The following METTL22 variants were observed in gnomAD, a reference collection of about 807,000 sequenced individuals.
The protein encoded by METTL22 is methyltransferase-like protein 22.
In METTL22, 51 loss-of-function variants were observed where a neutral mutation model predicts 48.4. The ratio of observed to expected loss-of-function variants is 1.05; its 90% CI spans 0.84 to 1.33. The LOEUF is 1.33. Ranked by LOEUF, METTL22 falls within the 40% of genes most tolerant of loss-of-function variation. The probability of loss-of-function intolerance (pLI) is 0.00; values close to 1 mark genes in which losing one functional copy is unlikely to be tolerated. For synonymous variants in METTL22, 255 were observed against 214.1 expected, an observed-to-expected ratio of 1.19 and a Z score of -1.67; for missense variants, 678 against 526.9, an observed-to-expected ratio of 1.29 and a Z score of -2.81.
Position 8,649,101 on chromosome 16 carries a change from C to G in METTL22, c.*2958C>G, listed in dbSNP as rs2056853640. 1 of 152,220 alleles carries G rather than the reference C, an allele frequency of 6.6e-6. No homozygotes were observed. The highest frequency in any genetic ancestry group is 2.4e-5 in the African/African-American group (1 of 41,466). 9.4% of individuals were successfully genotyped at this position (152,220 alleles called of 1,614,324 possible). Reference sequence around the variant, plus strand: ...GACAATTTCCTAGCACTCCTGGGTACAAGTCCATAAATGTAATTGGCACCA... The same window carrying G: ...GACAATTTCCTAGCACTCCTGGGTAGAAGTCCATAAATGTAATTGGCACCA... On this transcript the variant is annotated 3_prime_UTR_variant, in exon 11 of 11. Transcript: ENST00000381920.
intron 3 of METTL22, 72 bp from the exon 4 acceptor site, chr16:8,634,967 T>C: frequency 2.5e-6 from 4 of 1,601,576 alleles, no homozygotes; most frequent in South Asian, 2.2e-5. Flanking sequence ...GTTGCCACAC[T>C]GTCCTGTCTT....
rs2056727708 is a variant in METTL22 at position 8,644,626 on chromosome 16, CG to C, written c.1081del (p.Ala361ArgfsTer43). 6.2e-7 allele frequency: 1 copy of C among 1,605,918 alleles called. No homozygotes were observed. The highest frequency in any genetic ancestry group is 8.5e-7 in the Non-Finnish European group (1 of 1,176,336). ...AYDHFRSCLHALEQLADGKLR... is the reference protein window; with the variant it reads ...AYDHFRSCLHXLEQLADGKLR... ...ACGATCACTTCCGCTCCTGCCTGCA[CG>C]CGCTGGAGCAGCTCGCAGATGGCAA... On this transcript the variant is annotated frameshift_variant, in exon 10 of 11. Transcript: ENST00000381920. LOFTEE classifies it high-confidence loss of function.
the METTL22 span, among the ~76,000 whole-genome samples, chr16:8,666,232 A>T: frequency 6.6e-6 from 1 of 152,074 alleles, no homozygotes; most frequent in South Asian, 2.1e-4. Flanking sequence ...GTGTATAAAT[A>T]CCCCAGCTTC....
chr16:8,623,714 A>G (rs2055941741), intron 1 of METTL22: 1 of 152,236 alleles, frequency 6.6e-6, no homozygotes, highest in Admixed American at 6.5e-5. Flanking sequence ...ATGGAGATGA[A>G]TAAGGAATCA....
chr16:8,633,368 C>T (rs569377856), intron 3 of METTL22, among the ~76,000 whole-genome samples: 2 of 152,188 alleles, frequency 1.3e-5, no homozygotes, highest in South Asian at 4.1e-4. Context: ...GAGGCCAAAG[C>T]AGTGTATCAC....
intron 5 of METTL22, among the ~76,000 whole-genome samples, chr16:8,637,441 G>T (rs1226525038): frequency 2.0e-5 from 3 of 152,220 alleles, no homozygotes; most frequent in African/African-American, 7.2e-5. Flanking sequence ...TTACCAGCAT[G>T]GGGAAGAAAG....
downstream of METTL22, among the ~76,000 whole-genome samples, chr16:8,652,234 G>A (rs1194010373): frequency 6.6e-6 from 1 of 151,900 alleles, no homozygotes; most frequent in African/African-American, 2.4e-5. Context: ...CAATGTGGGA[G>A]GATCATTTGC....
downstream of METTL22, among the ~76,000 whole-genome samples, chr16:8,651,293 A>C (rs1407357743): frequency 7.0e-6 from 1 of 142,894 alleles, no homozygotes; most frequent in African/African-American, 2.6e-5. Context: ...AGGCTAAGGC[A>C]GTAGAATGGC....
rs201377053 is a variant in METTL22, at chr16:8,641,200, G to A, written c.826+16G>A. On this transcript the variant is annotated intron_variant, in intron 7 of 10. Coordinates refer to ENST00000381920, the MANE Select transcript of METTL22 (RefSeq NM_024109.4). ...CTCTGCACAGGTGTGTGTTTCTCTC[G>A]GACGTCCCCCAGTATGATTCAGTGA... The A allele has an allele frequency of 8.1e-6, 13 of 1,613,316 alleles. No homozygotes were observed. Among genetic ancestry groups the A allele is most frequent in the South Asian group, 3.3e-5 (3 of 91,042 alleles).
At chr16:8,636,036 T>A (rs2056412263) in intron 5 of METTL22, among the ~76,000 whole-genome samples, 1 of 152,184 alleles carries the variant, frequency 6.6e-6, no homozygotes, top group Non-Finnish European at 1.5e-5. Flanking sequence ...AGTGATGACA[T>A]CCGTCTGGGC....
At chr16:8,632,444 G>C (rs902137107) in intron 3 of METTL22, among the ~76,000 whole-genome samples, 2 of 152,184 alleles carry the variant, frequency 1.3e-5, no homozygotes, top group Non-Finnish European at 1.5e-5. Flanking sequence ...GGCTTCAGGC[G>C]ATCCTCCTGC....
At chr16:8,644,412 C>A in intron 9 of METTL22, 145 bp from the exon 10 acceptor site, 2 of 748,502 alleles carry the variant, frequency 2.7e-6, no homozygotes, top group Non-Finnish European at 2.2e-6. Flanking sequence ...ATTGCACTCA[C>A]ACACTCAGCA....
chr16:8,657,951 G>A, the METTL22 span, among the ~76,000 whole-genome samples: 9 of 152,106 alleles, frequency 5.9e-5, no homozygotes, highest in East Asian at 1.7e-3. Context: ...TGAGTAGCTG[G>A]GATACAGGCG....
intron 3 of METTL22, among the ~76,000 whole-genome samples, chr16:8,630,281 A>G (rs2056212436): frequency 6.6e-6 from 1 of 152,236 alleles, no homozygotes; most frequent in Admixed American, 6.5e-5. Flanking sequence ...CGTGGAACTC[A>G]TACCAGAACC....
At position 8,639,114 on chromosome 16, in the gene METTL22, A is replaced by G. The variant is rs765760400; in HGVS notation, c.724A>G (p.Met242Val). 3 of 1,613,794 alleles carry G rather than the reference A, an allele frequency of 1.9e-6. No individual in the cohort carries two copies. The highest frequency in any genetic ancestry group is 1.7e-5 in the Admixed American group (1 of 60,004). ...CTDVGADLLS[M>V]CQRNIALNSH... is the part of the protein sequence containing the mutation. ...AGATGTCGGTGCAGATCTCTTGTCC[A>G]TGTGCCAGCGAAACATTGCCCTCAA... is the stretch of plus-strand genomic sequence containing the variant. The change falls in exon 6 of 11, where the codon ATG becomes GTG. Residue 242 changes from methionine to valine, a missense_variant. Coordinates refer to ENST00000381920, the MANE Select transcript of METTL22 (RefSeq NM_024109.4).
In METTL22 at chr16:8,642,459, A is replaced by G; in HGVS notation, c.908-4A>G. On this transcript the variant is annotated splice_region_variant and splice_polypyrimidine_tract_variant and intron_variant, in intron 8 of 10. Transcript: ENST00000381920. The stretch of plus-strand genomic sequence containing the variant: ...TCTAATGCTGGCCTTTTTGCTTCCC[A>G]CAGTGTTTTACGACGACGACTTGAC... 1 of 1,613,966 alleles carries G rather than the reference A, an allele frequency of 6.2e-7. No individual in the cohort carries two copies. Among genetic ancestry groups the G allele is most frequent in the South Asian group, 1.1e-5 (1 of 91,074 alleles).
At chr16:8,633,007 G>A (rs1241191820) in intron 3 of METTL22, among the ~76,000 whole-genome samples, 3 of 152,088 alleles carry the variant, frequency 2.0e-5, no homozygotes, top group East Asian at 1.9e-4. Context: ...GGGAGCAGAT[G>A]GCAAGGAGGA....
chr16:8,642,202 C>T lies in METTL22; in HGVS notation c.902C>T (p.Ala301Val), dbSNP rs758631414. The stretch of plus-strand genomic sequence containing the variant: ...GATCACACCACCATCCTGTTTGCAG[C>T]CGAAGGTAAGAAAATTTCTCCTTCG... ...LYDHTTILFAAEVFYDDDLTD... is the reference protein window; with the variant it reads ...LYDHTTILFAVEVFYDDDLTD... Residue 301 changes from alanine to valine, a missense_variant, in exon 8 of 11, where the codon GCC becomes GTC. Physicochemically the swap from Ala to Val is moderately conservative, Grantham distance 64 (BLOSUM62 0). Transcript: ENST00000381920. The T allele has an allele frequency of 4.3e-6, 7 of 1,612,736 alleles. No individual in the cohort carries two copies. The Admixed American group carries it at 6.7e-5, about 15-fold the overall frequency.
At chr16:8,644,207 G>A (rs1438972992) in intron 9 of METTL22, among the ~76,000 whole-genome samples, 1 of 152,148 alleles carries the variant, frequency 6.6e-6, no homozygotes, top group Non-Finnish European at 1.5e-5. Context: ...GTTATGCGCA[G>A]CTCCAGGCAC....
Sources: allele counts gnomAD v4.1 joint callset (sites outside exome capture counted in the v4.1 genomes callset), GRCh38; gene constraint gnomAD v4.1.1; transcripts MANE v1.5; gene names NCBI Gene and HGNC (gene_info 2026-07-23, HGNC 2026-07-21).